Variants in MAGI2 observed in about 807,000 individuals in gnomAD.
MAGI2 encodes membrane associated guanylate kinase, WW and PDZ domain containing 2, also known as membrane-associated guanylate kinase, WW and PDZ domain-containing protein 2.
MAGI2 carries 35 observed loss-of-function variants against 133.3 expected under a neutral mutation model. That is an observed-to-expected ratio of 0.26 (90% CI 0.20 to 0.35). The LOEUF is 0.35. Among genes scored for constraint, MAGI2 ranks in the 10% least tolerant of loss-of-function variants. The probability of loss-of-function intolerance (pLI) is 1.00; values close to 1 mark genes in which losing one functional copy is unlikely to be tolerated. For missense variants in MAGI2, 1,636 were observed against 1,863.4 expected, an observed-to-expected ratio of 0.88 and a Z score of 2.25; for synonymous variants, 729 against 710.6, an observed-to-expected ratio of 1.03 and a Z score of -0.41.
intron 3 of MAGI2, among the ~76,000 whole-genome samples, chr7:78,578,018 C>G (rs1254495089): frequency 6.8e-6 from 1 of 147,542 alleles, no homozygotes; most frequent in Admixed American, 6.7e-5. Flanking sequence ...AACCAGTTAT[C>G]ACTGTGAAAA....
intron 2 of MAGI2, among the ~76,000 whole-genome samples, chr7:78,806,413 A>T (rs904684373): frequency 1.3e-5 from 2 of 152,198 alleles, no homozygotes; most frequent in South Asian, 2.1e-4. Flanking sequence ...CATCATTATC[A>T]TCATTATTAT....
intron 1 of MAGI2, among the ~76,000 whole-genome samples, chr7:79,335,659 T>A (rs1840387914): frequency 6.6e-6 from 1 of 152,014 alleles, no homozygotes; most frequent in Admixed American, 6.6e-5. Flanking sequence ...CACAGCAACA[T>A]CCTTAGTGGA....
At chr7:79,303,623 G>C (rs1837543884) in intron 1 of MAGI2, among the ~76,000 whole-genome samples, 1 of 152,086 alleles carries the variant, frequency 6.6e-6, no homozygotes. Flanking sequence ...TGTTTGAATT[G>C]GTTTGTTGAT....
At chr7:78,265,843 G>A (rs1584626869) in intron 9 of MAGI2, among the ~76,000 whole-genome samples, 1 of 152,342 alleles carries the variant, frequency 6.6e-6, no homozygotes, top group East Asian at 1.9e-4. Flanking sequence ...AGGCCAGCAT[G>A]GCATGACCTG....
At chr7:78,268,088 T>C (rs1794193410) in intron 9 of MAGI2, among the ~76,000 whole-genome samples, 1 of 152,076 alleles carries the variant, frequency 6.6e-6, no homozygotes, top group African/African-American at 2.4e-5. Flanking sequence ...CACTTCTGTG[T>C]TATACTTTCC....
intron 6 of MAGI2, among the ~76,000 whole-genome samples, chr7:78,475,972 C>G (rs1377741888): frequency 1.3e-5 from 2 of 151,850 alleles, no homozygotes; most frequent in Non-Finnish European, 2.9e-5. Flanking sequence ...TGACTCCTCA[C>G]ATCATTGTTA....
At chr7:79,411,709 TG>T (rs1008167016) in intron 1 of MAGI2, 8 of 152,124 alleles carry the variant, frequency 5.3e-5, no homozygotes, top group African/African-American at 1.9e-4. Context: ...CACAACCTCC[TG>T]TTCCATGAAT....
intron 6 of MAGI2, among the ~76,000 whole-genome samples, chr7:78,462,308 G>T (rs1303943436): frequency 6.6e-6 from 1 of 152,148 alleles, no homozygotes; most frequent in African/African-American, 2.4e-5. Flanking sequence ...CAAGAGTGAA[G>T]GTGGCAAAGG....
chr7:78,831,243 C>G (rs1223879488), intron 2 of MAGI2, among the ~76,000 whole-genome samples: 1 of 152,138 alleles, frequency 6.6e-6, no homozygotes. Flanking sequence ...CTCTTCAAAA[C>G]TCCTCCTTCC....
chr7:78,404,422 T>C (rs1284294204), intron 6 of MAGI2, among the ~76,000 whole-genome samples: 4 of 152,060 alleles, frequency 2.6e-5, no homozygotes, highest in African/African-American at 2.4e-5. Context: ...CAAACTATAC[T>C]ACAAGGCAAC....
At chr7:79,331,658 C>T (rs1328909727) in intron 1 of MAGI2, among the ~76,000 whole-genome samples, 1 of 152,086 alleles carries the variant, frequency 6.6e-6, no homozygotes, top group African/African-American at 2.4e-5. Flanking sequence ...CACAATGATT[C>T]ATGGATCTTT....
At chr7:78,575,631 C>G (rs1374131415) in intron 3 of MAGI2, among the ~76,000 whole-genome samples, 1 of 152,134 alleles carries the variant, frequency 6.6e-6, no homozygotes, top group Non-Finnish European at 1.5e-5. Flanking sequence ...TCACACATCC[C>G]TTTAATAAAA....
At chr7:78,882,115 A>AAAG (rs1795918203) in intron 2 of MAGI2, among the ~76,000 whole-genome samples, 12 of 93,730 alleles carry the variant, frequency 1.3e-4, no homozygotes, top group Admixed American at 2.8e-4. Context: ...AAAAGAAAAG[A>AAAG]AAAACAAAAA....
intron 2 of MAGI2, among the ~76,000 whole-genome samples, chr7:78,992,054 T>A (rs1805836644): frequency 6.6e-6 from 1 of 152,074 alleles, no homozygotes; most frequent in Admixed American, 6.6e-5. Context: ...GAGTCCTTAT[T>A]AGTCTATGTC....
At chr7:78,175,168 G>A (rs1826472325) in intron 14 of MAGI2, among the ~76,000 whole-genome samples, 1 of 152,148 alleles carries the variant, frequency 6.6e-6, no homozygotes, top group Non-Finnish European at 1.5e-5. Context: ...TTCTCTGGGT[G>A]GCCTTGGACT....
chr7:79,189,151 A>C (rs1827429623), intron 1 of MAGI2, among the ~76,000 whole-genome samples: 1 of 151,612 alleles, frequency 6.6e-6, no homozygotes, highest in South Asian at 2.1e-4. Context: ...GTCAAAGGCT[A>C]GATATTTCTT....
chr7:78,788,421 T>C (rs1359237593), intron 2 of MAGI2, among the ~76,000 whole-genome samples: 1 of 152,170 alleles, frequency 6.6e-6, no homozygotes, highest in Non-Finnish European at 1.5e-5. Context: ...CATTTCCATT[T>C]TATTTGGTCT....
intron 2 of MAGI2, among the ~76,000 whole-genome samples, chr7:78,688,554 G>C (rs981536459): frequency 2.4e-4 from 37 of 152,176 alleles, no homozygotes; most frequent in Non-Finnish European, 5.9e-5. Context: ...ACAGAGTCTT[G>C]ACCTTTTATC....
chr7:79,424,837 A>G (rs1847227481), intron 1 of MAGI2, among the ~76,000 whole-genome samples: 1 of 152,284 alleles, frequency 6.6e-6, no homozygotes, highest in African/African-American at 2.4e-5. Context: ...CACAGTCTGA[A>G]TATCATGTAA....
Sources: allele counts gnomAD v4.1 joint callset (sites outside exome capture counted in the v4.1 genomes callset), GRCh38; gene constraint gnomAD v4.1.1; transcripts MANE v1.5; gene names NCBI Gene and HGNC (gene_info 2026-07-23, HGNC 2026-07-21).